Variants in NPAS3 observed in about 807,000 individuals in gnomAD.
NPAS3 encodes the protein neuronal PAS domain protein 3, also known as neuronal PAS domain-containing protein 3.
In NPAS3, 14 loss-of-function variants were observed where a neutral mutation model predicts 73.1. The observed-to-expected ratio is 0.19, with a 90% CI of 0.13 to 0.30. NPAS3 has a LOEUF of 0.30. Among genes scored for constraint, NPAS3 ranks in the 10% least tolerant of loss-of-function variants. The probability of loss-of-function intolerance (pLI) is 1.00; values close to 1 mark genes in which losing one functional copy is unlikely to be tolerated. For synonymous variants in NPAS3, 620 were observed against 541.5 expected (o/e 1.14, Z -2.01); for missense variants, 1,096 against 1,250.0 (o/e 0.88, Z 1.86).
Position 33,522,047 on chromosome 14 carries a change from G to C in NPAS3, c.469-38074G>C, listed in dbSNP as rs143026204. The stretch of plus-strand genomic sequence containing the variant: ...GAAGGTTTATTTAATATGTGTCTCT[G>C]TGTACCTATATGAATGAAAATTTAA... On this transcript the variant is annotated intron_variant, in intron 4 of 11. Coordinates refer to ENST00000356141, the Ensembl canonical transcript of NPAS3. 2.8e-3 allele frequency among the ~76,000 whole-genome samples: 426 copies of C among 152,038 alleles called. 3 individuals are homozygous for C. The highest frequency in any genetic ancestry group is 9.4e-3 in the African/African-American group (390 of 41,362).
intron 4 of NPAS3, among the ~76,000 whole-genome samples, chr14:33,372,074 T>G (rs1202961699): frequency 6.6e-6 from 1 of 152,130 alleles, no homozygotes; most frequent in Non-Finnish European, 1.5e-5. Context: ...TTAAAACACT[T>G]ACAGTTGGAG....
chr14:33,276,267 G>A (rs1478103066), intron 3 of NPAS3, among the ~76,000 whole-genome samples: 1 of 152,078 alleles, frequency 6.6e-6, no homozygotes. Flanking sequence ...CGGGAGTAGT[G>A]AGGATGGGAA....
At chr14:33,536,765 G>A (rs773744736) in intron 4 of NPAS3, among the ~76,000 whole-genome samples, 12 of 152,102 alleles carry the variant, frequency 7.9e-5, no homozygotes, top group Non-Finnish European at 1.5e-4. Flanking sequence ...ATAATAAATA[G>A]AAGATGTAGC....
At chr14:33,760,239 T>C (rs1046534946) in intron 7 of NPAS3, among the ~76,000 whole-genome samples, 1 of 152,236 alleles carries the variant, frequency 6.6e-6, no homozygotes, top group Non-Finnish European at 1.5e-5. Flanking sequence ...TGACACCATT[T>C]CTTCCTGAGC....
chr14:33,664,922 G>A (rs571438624), intron 5 of NPAS3, among the ~76,000 whole-genome samples: 2 of 152,286 alleles, frequency 1.3e-5, no homozygotes, highest in East Asian at 1.9e-4. Flanking sequence ...GTGTAAACTC[G>A]TTCAACCATT....
downstream of NPAS3, chr14:33,801,516 C>A (rs1055769691): frequency 8.5e-5 from 17 of 200,754 alleles, no homozygotes; most frequent in Non-Finnish European, 1.7e-4. Flanking sequence ...TGGAAAGAGA[C>A]AAGCATAAAC....
chr14:33,260,015 G>C (rs2048914871), intron 3 of NPAS3, among the ~76,000 whole-genome samples: 1 of 152,068 alleles, frequency 6.6e-6, no homozygotes, highest in African/African-American at 2.4e-5. Flanking sequence ...TGGGCCAGGT[G>C]GTCGGACACC....
chr14:33,600,034 C>T (rs556385313), intron 5 of NPAS3, among the ~76,000 whole-genome samples: 4 of 152,130 alleles, frequency 2.6e-5, no homozygotes, highest in African/African-American at 7.2e-5. Flanking sequence ...CTGTGACATC[C>T]AGCCCAGGCA....
intron 3 of NPAS3, among the ~76,000 whole-genome samples, chr14:33,307,387 C>T (rs1008431025): frequency 1.3e-5 from 2 of 151,926 alleles, no homozygotes; most frequent in Non-Finnish European, 2.9e-5. Flanking sequence ...GATTGTATAT[C>T]GTTCTTATTA....
intron 2 of NPAS3, among the ~76,000 whole-genome samples, chr14:33,171,537 T>G (rs1454142337): frequency 6.6e-6 from 1 of 152,252 alleles, no homozygotes; most frequent in Non-Finnish European, 1.5e-5. Context: ...ACTTTTCTTC[T>G]GCAGCTTCCT....
intron 1 of NPAS3, among the ~76,000 whole-genome samples, chr14:32,950,391 A>G (rs906091518): frequency 6.6e-6 from 1 of 152,106 alleles, no homozygotes; most frequent in Non-Finnish European, 1.5e-5. Flanking sequence ...AGCACAGATA[A>G]CAGAAGCATT....
At position 33,800,586 on chromosome 14, in the gene NPAS3, C is replaced by T; in HGVS notation, c.2279C>T (p.Pro760Leu). 1 of 1,303,288 alleles carries T rather than the reference C, an allele frequency of 7.7e-7. No individual in the cohort carries two copies. The highest frequency in any genetic ancestry group is 9.7e-7 in the Non-Finnish European group (1 of 1,034,574). The allele number at this position is 1,303,288 out of a possible 1,614,324, so 80.7% of individuals were successfully genotyped here. ...TCGGCGTCCCCGCGGGACAAGCACC[C>T]CGGGAACGGCGGCGGGGGCGGGGGC... The change falls in exon 12 of 12, where the codon CCC becomes CTC. Residue 760 changes from proline to leucine, a missense_variant. Physicochemically the swap from Pro to Leu is moderately conservative, Grantham distance 98. Coordinates refer to ENST00000356141, the Ensembl canonical transcript of NPAS3. The surrounding 1 kb of genome is among the most constrained non-coding windows in gnomAD (Gnocchi z 6.5).
At chr14:33,735,403 A>G (rs2061497994) in intron 7 of NPAS3, 71 bp downstream of exon 7, 3 of 1,058,150 alleles carry the variant, frequency 2.8e-6, no homozygotes, top group Non-Finnish European at 4.5e-6. Context: ...TGAATTTTCC[A>G]GCTGCTTTAG....
chr14:33,138,831 A>C (rs2043937476), intron 2 of NPAS3, among the ~76,000 whole-genome samples: 1 of 152,236 alleles, frequency 6.6e-6, no homozygotes, highest in African/African-American at 2.4e-5. Context: ...CTTGACATGC[A>C]ATGGAACCTG....
At chr14:32,949,765 A>C (rs2036409164) in intron 1 of NPAS3, among the ~76,000 whole-genome samples, 1 of 152,008 alleles carries the variant, frequency 6.6e-6, no homozygotes, top group Non-Finnish European at 1.5e-5. Flanking sequence ...GAAAAAGTCC[A>C]GCCCTATGCT....
intron 2 of NPAS3, among the ~76,000 whole-genome samples, chr14:33,058,167 G>A (rs1273093244): frequency 2.0e-5 from 3 of 151,952 alleles, no homozygotes; most frequent in East Asian, 3.8e-4. Flanking sequence ...AACATGGGTA[G>A]TTTTTCCACA....
chr14:33,201,867 T>C (rs1370089056), intron 2 of NPAS3, among the ~76,000 whole-genome samples: 2 of 152,192 alleles, frequency 1.3e-5, no homozygotes, highest in East Asian at 3.9e-4. Flanking sequence ...ATCTGAGAAC[T>C]CTCAACAGTT....
chr14:33,055,688 G>T lies in NPAS3; in HGVS notation c.51-217G>T, dbSNP rs147968715. Among the ~76,000 whole-genome samples, 427 of 151,776 alleles carry T rather than the reference G, an allele frequency of 2.8e-3. 4 individuals carry two copies. The highest frequency in any genetic ancestry group is 9.7e-3 in the African/African-American group (401 of 41,438). ...TTAAAAAAAAAAACAAAACAAAACT[G>T]TCCTGATAAAGAACTGAAAAAGTTG... is the stretch of plus-strand genomic sequence containing the variant. On this transcript the variant is annotated intron_variant, in intron 1 of 11. Coordinates refer to ENST00000356141, the Ensembl canonical transcript of NPAS3.
In NPAS3 at chr14:33,512,976, G is replaced by A. The variant is rs1415596946; in HGVS notation, c.469-47145G>A. On this transcript the variant is annotated intron_variant, in intron 4 of 11. Coordinates refer to ENST00000356141, the Ensembl canonical transcript of NPAS3. The stretch of plus-strand genomic sequence containing the variant: ...AGGAAGTTAGTTGGTAACCCCCAAT[G>A]TGTTTGCAATTTTGATGCTCTTTCT... Among the ~76,000 whole-genome samples the A allele has an allele frequency of 4.6e-5, 7 of 152,144 alleles. No individual in the cohort carries two copies. In the East Asian group the frequency reaches 1.2e-3, roughly 25 times the overall value.
Sources: allele counts gnomAD v4.1 joint callset (sites outside exome capture counted in the v4.1 genomes callset), GRCh38; gene constraint gnomAD v4.1.1; non-coding constraint Gnocchi (gnomAD v3.1); transcripts MANE v1.5; gene names NCBI Gene and HGNC (gene_info 2026-07-23, HGNC 2026-07-21).